SPAG16: variants seen among roughly 807,000 people sequenced by gnomAD.
SPAG16 encodes sperm-associated antigen 16 protein.
SPAG16 carries 86 observed loss-of-function variants against 80.4 expected under a neutral mutation model. The ratio of observed to expected loss-of-function variants is 1.07; its 90% CI spans 0.90 to 1.28. SPAG16 has a LOEUF of 1.28. SPAG16 is among the 50% of genes most tolerant of loss of function. The pLI is 0.00. For synonymous variants in SPAG16, 294 were observed against 265.9 expected (o/e 1.11, Z -1.03); for missense variants, 870 against 765.3 (o/e 1.14, Z -1.61).
At chr2:213,824,486 A>G (rs6757252) in intron 10 of SPAG16, among the ~76,000 whole-genome samples, 38,624 of 152,142 alleles carry the variant, frequency 0.25, 5,349 homozygotes, top group Middle Eastern at 0.39. Flanking sequence ...AGCACTATTT[A>G]TGGAAGAGAT....
chr2:214,178,353 G>A (rs1308061305), intron 15 of SPAG16, among the ~76,000 whole-genome samples: 1 of 150,948 alleles, frequency 6.6e-6, no homozygotes, highest in Non-Finnish European at 1.5e-5. Flanking sequence ...GAAAGTGAGG[G>A]TAATCAATGT....
intron 8 of SPAG16, among the ~76,000 whole-genome samples, chr2:213,370,856 T>A (rs2066590928): frequency 6.6e-6 from 1 of 152,234 alleles, no homozygotes; most frequent in Non-Finnish European, 1.5e-5. Flanking sequence ...TATTTTGAAA[T>A]GGCTTTTAGT....
At chr2:213,958,507 C>G (rs1398745703) in intron 12 of SPAG16, among the ~76,000 whole-genome samples, 2 of 152,134 alleles carry the variant, frequency 1.3e-5, no homozygotes, top group Non-Finnish European at 2.9e-5. Context: ...GATGCCAAAG[C>G]AACATAAAAT....
intron 10 of SPAG16, among the ~76,000 whole-genome samples, chr2:213,708,576 A>T (rs1486000642): frequency 2.6e-5 from 4 of 152,082 alleles, no homozygotes; most frequent in African/African-American, 9.7e-5. Context: ...GGTGGATCAC[A>T]AGGTCAGGAG....
intron 10 of SPAG16, among the ~76,000 whole-genome samples, chr2:213,529,232 G>A (rs1395943773): frequency 6.6e-6 from 1 of 152,134 alleles, no homozygotes; most frequent in Non-Finnish European, 1.5e-5. Flanking sequence ...GATCAATGCA[G>A]TTACCATGGA....
intron 15 of SPAG16, among the ~76,000 whole-genome samples, chr2:214,187,085 GATAAATAGA>G (rs994253433): frequency 2.0e-5 from 3 of 152,020 alleles, no homozygotes; most frequent in African/African-American, 7.2e-5. Flanking sequence ...CAACAGGAGG[GATAAATAGA>G]AGCTTTCAAA....
intron 10 of SPAG16, among the ~76,000 whole-genome samples, chr2:213,519,077 G>A (rs1487071863): frequency 6.6e-6 from 1 of 152,162 alleles, no homozygotes; most frequent in African/African-American, 2.4e-5. Context: ...CCGGTGGGGG[G>A]TTAGGTCAAA....
intron 14 of SPAG16, among the ~76,000 whole-genome samples, chr2:214,130,227 G>A (rs1203669874): frequency 6.6e-6 from 1 of 152,156 alleles, no homozygotes; most frequent in African/African-American, 2.4e-5. Context: ...GAGTTTGAGG[G>A]TCGTGGCCAC....
At chr2:214,072,766 G>A (rs2050850765) in intron 13 of SPAG16, among the ~76,000 whole-genome samples, 1 of 152,074 alleles carries the variant, frequency 6.6e-6, no homozygotes. Flanking sequence ...TTTTAATTAG[G>A]AGGGGTAGGA....
intron 5 of SPAG16, among the ~76,000 whole-genome samples, chr2:213,332,537 A>G (rs1027441303): frequency 2.8e-4 from 43 of 152,256 alleles, no homozygotes; most frequent in African/African-American, 1.0e-3. Context: ...CTCATTTACA[A>G]GACCCATATT....
intron 7 of SPAG16, among the ~76,000 whole-genome samples, chr2:213,355,809 C>T (rs6739393): frequency 0.68 from 103,368 of 152,058 alleles, 35,905 homozygotes; most frequent in East Asian, 1. Flanking sequence ...GTCATCTGCA[C>T]GCAGGGACAA....
chr2:213,456,468 T>C (rs2072017894), intron 9 of SPAG16, among the ~76,000 whole-genome samples: 1 of 152,234 alleles, frequency 6.6e-6, no homozygotes, highest in Non-Finnish European at 1.5e-5. Context: ...ACATAATTTT[T>C]TGATGTTTTG....
intron 15 of SPAG16, among the ~76,000 whole-genome samples, chr2:214,235,922 G>A (rs1237646705): frequency 6.6e-6 from 1 of 152,000 alleles, no homozygotes; most frequent in South Asian, 2.1e-4. Flanking sequence ...CTATCTCTTA[G>A]CTTATTTTGA....
chr2:213,430,542 C>T (rs1416240530), intron 9 of SPAG16, among the ~76,000 whole-genome samples: 1 of 152,080 alleles, frequency 6.6e-6, no homozygotes, highest in African/African-American at 2.4e-5. Flanking sequence ...TATTCTTCTT[C>T]CAATGTGGCC....
rs59353089 is a variant in SPAG16 at position 213,950,702 on chromosome 2, CTTT to C, written c.1400+20576_1400+20578del. Among the ~76,000 whole-genome samples the C allele has an allele frequency of 1.2e-3, 117 of 99,682 alleles. 2 individuals are homozygous for C. Among genetic ancestry groups the C allele is most frequent in the Non-Finnish European group, 1.7e-3 (89 of 52,518 alleles). The allele number at this position is 99,682 out of a possible 152,430, so 65.4% of individuals were successfully genotyped here. A position where few individuals can be genotyped will look rare whatever the true frequency, so the allele number is the denominator to read the frequency against. On this transcript the variant is annotated intron_variant, in intron 12 of 15. Transcript: ENST00000331683. ...CTTCTCTCTCTTTTCTTTTTTCTTT[CTTT>C]TTTTTTTTTTTTTTTTTTCCCTCAA... is the stretch of plus-strand genomic sequence containing the variant.
intron 5 of SPAG16, among the ~76,000 whole-genome samples, chr2:213,325,742 A>G (rs1442268752): frequency 6.6e-6 from 1 of 151,632 alleles, no homozygotes; most frequent in East Asian, 1.9e-4. Flanking sequence ...TTAATTTAAT[A>G]CTTTATATTT....
intron 10 of SPAG16, among the ~76,000 whole-genome samples, chr2:213,770,574 C>T (rs983219876): frequency 2.0e-5 from 3 of 152,084 alleles, no homozygotes; most frequent in Non-Finnish European, 4.4e-5. Context: ...AGGTATTAAG[C>T]CCCATATGCA....
intron 11 of SPAG16, among the ~76,000 whole-genome samples, chr2:213,875,124 A>G (rs1186652236): frequency 6.9e-6 from 1 of 145,410 alleles, no homozygotes; most frequent in Non-Finnish European, 1.5e-5. Context: ...TTTTTTTTTG[A>G]GACAGGGTCT....
intron 14 of SPAG16, among the ~76,000 whole-genome samples, chr2:214,115,821 C>A (rs1023037078): frequency 4.2e-5 from 6 of 143,100 alleles, no homozygotes; most frequent in Non-Finnish European, 7.5e-5. Context: ...GAGATTGCAG[C>A]GAGCTGAGAT....
Sources: allele counts gnomAD v4.1 joint callset (sites outside exome capture counted in the v4.1 genomes callset), GRCh38; gene constraint gnomAD v4.1.1; transcripts MANE v1.5; gene names NCBI Gene and HGNC (gene_info 2026-07-23, HGNC 2026-07-21).